PADI4: variants seen among roughly 807,000 people sequenced by gnomAD.
The protein encoded by PADI4 is protein-arginine deiminase type-4.
In PADI4, 62 loss-of-function variants were observed where a neutral mutation model predicts 75.0. The observed-to-expected ratio is 0.83, with a 90% CI of 0.67 to 1.02. The LOEUF is 1.02. Ranked by LOEUF, PADI4 falls within the 50% of genes least tolerant of loss-of-function variation. The pLI is 0.00. For missense variants in PADI4, 845 were observed against 850.5 expected, an observed-to-expected ratio of 0.99 and a Z score of 0.08; for synonymous variants, 361 against 348.1, an observed-to-expected ratio of 1.04 and a Z score of -0.41.
chr1:17,337,342 C>T (rs1227297875), intron 4 of PADI4, among the ~76,000 whole-genome samples: 5 of 151,996 alleles, frequency 3.3e-5, no homozygotes, highest in Middle Eastern at 3.2e-3. Context: ...GACAGCGTTT[C>T]GCCATGTTGG....
At position 17,355,972 on chromosome 1, in the gene PADI4, T is replaced by C. The variant is rs779265669; in HGVS notation, c.1311-11T>C. 6.8e-6 allele frequency: 11 copies of C among 1,614,148 alleles called. No homozygotes were observed. The East Asian group carries it at 2.5e-4, about 36-fold the overall frequency. Reference sequence around the variant, plus strand: ...GCTGCCGATAACACCCCTTTAACCCTGCCATGACAGCAATGACAGCCGGCA... The same window carrying C: ...GCTGCCGATAACACCCCTTTAACCCCGCCATGACAGCAATGACAGCCGGCA... On this transcript the variant is annotated splice_polypyrimidine_tract_variant and intron_variant, in intron 11 of 15. Transcript: ENST00000375448.
At chr1:17,320,527 A>G (rs541780363) in intron 1 of PADI4, among the ~76,000 whole-genome samples, 36 of 152,282 alleles carry the variant, frequency 2.4e-4, no homozygotes, top group African/African-American at 8.7e-4. Flanking sequence ...AGGGTGGGCA[A>G]TTCCCTGAAC....
chr1:17,334,642 A>C (rs1219768171), intron 3 of PADI4: 2 of 456,116 alleles, frequency 4.4e-6, no homozygotes, highest in Admixed American at 2.4e-5. Context: ...TATAACAAAA[A>C]GTAGATAATG....
chr1:17,359,354 G>T lies in PADI4; in HGVS notation c.1704G>T (p.Pro568=), dbSNP rs372994565. ...CCGAGAGTGACATCATTGACATCCC[G>T]CAGCTCTTCAAGCTCAAAGAGTTCT... is the stretch of plus-strand genomic sequence containing the variant. ...GLAESDIIDI[P]QLFKLKEFSK... Residue 568 remains proline, a synonymous_variant, in exon 15 of 16, where the codon CCG becomes CCT. Coordinates refer to ENST00000375448, the MANE Select transcript of PADI4 (RefSeq NM_012387.3). 3.2e-5 allele frequency: 51 copies of T among 1,613,130 alleles called. No individual in the cohort carries two copies. Among genetic ancestry groups the T allele is most frequent in the Non-Finnish European group, 4.3e-5 (51 of 1,179,412 alleles).
chr1:17,353,982 G>A (rs1271931545), intron 10 of PADI4, among the ~76,000 whole-genome samples: 1 of 151,976 alleles, frequency 6.6e-6, no homozygotes, highest in Admixed American at 6.6e-5. Flanking sequence ...GCTCATGCCT[G>A]TAATCCCAGC....
chr1:17,363,916 C>T lies in PADI4; in HGVS notation c.*161C>T. Reference sequence around the variant, plus strand: ...TCCTGTGATGTCCCAGTTTCCCACTCTGAAGATCCCAACATGGTCCTAGCA... The same window carrying T: ...TCCTGTGATGTCCCAGTTTCCCACTTTGAAGATCCCAACATGGTCCTAGCA... On this transcript the variant is annotated 3_prime_UTR_variant, in exon 16 of 16. Transcript: ENST00000375448. 1 of 591,836 alleles carries T rather than the reference C, an allele frequency of 1.7e-6. No individual in the cohort carries two copies. The highest frequency in any genetic ancestry group is 3.1e-6 in the Non-Finnish European group (1 of 326,980). 36.7% of individuals were successfully genotyped at this position (591,836 alleles called of 1,614,324 possible). A position where few individuals can be genotyped will look rare whatever the true frequency, so the allele number is the denominator to read the frequency against.
At chr1:17,312,958 G>A (rs2073864696) in intron 1 of PADI4, among the ~76,000 whole-genome samples, 1 of 151,788 alleles carries the variant, frequency 6.6e-6, no homozygotes, top group South Asian at 2.1e-4. Flanking sequence ...TTAGGAGGCT[G>A]AGGCGGGCAG....
chr1:17,358,899 A>G lies in PADI4; in HGVS notation c.1620A>G (p.Ser540=). ...LSNKTLREHN[S]FVERCIDWNR... is the part of the protein sequence containing the mutation. ...ACAAGACATTGAGAGAACATAATTC[A>G]TTTGTGGAGGTAGGAGCCTGGGTGC... Residue 540 remains serine, a synonymous_variant, in exon 14 of 16, where the codon TCA becomes TCG. Coordinates refer to ENST00000375448, the MANE Select transcript of PADI4 (RefSeq NM_012387.3). The G allele has an allele frequency of 6.2e-7, 1 of 1,606,220 alleles. No homozygotes were observed. The highest frequency in any genetic ancestry group is 1.1e-5 in the South Asian group (1 of 89,988).
intron 1 of PADI4, among the ~76,000 whole-genome samples, chr1:17,313,498 CAAAAAAAA>C (rs71014933): frequency 1.0e-4 from 7 of 68,422 alleles, no homozygotes; most frequent in South Asian, 1.5e-3. Flanking sequence ...AAGACCTTGT[CAAAAAAAA>C]AAAAAAAAAA....
chr1:17,311,948 G>C (rs188656807), intron 1 of PADI4, among the ~76,000 whole-genome samples: 1 of 152,134 alleles, frequency 6.6e-6, no homozygotes, highest in Admixed American at 6.6e-5. Flanking sequence ...CCTGGGTTAC[G>C]GCGAAGATTG....
chr1:17,319,699 T>C (rs530239126), intron 1 of PADI4, among the ~76,000 whole-genome samples: 60 of 152,310 alleles, frequency 3.9e-4, no homozygotes, highest in African/African-American at 1.3e-3. Context: ...AGCTGCCACA[T>C]GGTTGAACAA....
At chr1:17,348,526 G>C (rs2074560533) in intron 10 of PADI4, among the ~76,000 whole-genome samples, 1 of 152,202 alleles carries the variant, frequency 6.6e-6, no homozygotes, top group Non-Finnish European at 1.5e-5. Context: ...TGTCCATGTG[G>C]AGGTGGGAAG....
At chr1:17,323,682 A>C (rs996352388) in intron 1 of PADI4, among the ~76,000 whole-genome samples, 1 of 152,068 alleles carries the variant, frequency 6.6e-6, no homozygotes, top group Non-Finnish European at 1.5e-5. Flanking sequence ...AAAATACAAA[A>C]ATCAGCTGGG....
intron 13 of PADI4, 52 bp from the exon 14 acceptor site, chr1:17,358,786 G>C (rs2100255520): frequency 8.0e-7 from 1 of 1,254,548 alleles, no homozygotes; most frequent in South Asian, 1.3e-5. Flanking sequence ...CTGGGAAGAG[G>C]GAAATCGACC....
At position 17,319,920 on chromosome 1, in the gene PADI4, C is replaced by G. The variant is rs576625142; in HGVS notation, c.93-11049C>G. Among the ~76,000 whole-genome samples the G allele has an allele frequency of 5.9e-5, 9 of 152,310 alleles. No individual in the cohort carries two copies. In the South Asian group the frequency reaches 1.9e-3, roughly 32 times the overall value. ...TTACAGTTTACTATGTACGAAAAAA[C>G]CTTTCAGCCGAACTTAAAATACCTA... On this transcript the variant is annotated intron_variant, in intron 1 of 15. Transcript: ENST00000375448.
At chr1:17,339,580 C>G in intron 5 of PADI4, 108 bp from the exon 6 acceptor site, 1 of 1,139,308 alleles carries the variant, frequency 8.8e-7, no homozygotes, top group Non-Finnish European at 1.3e-6. Context: ...AAAGGGAGGT[C>G]TCAGGGGAGC....
rs1367977425 is a variant in PADI4, at chr1:17,346,082, C to G, written c.990C>G (p.Ala330=). The change falls in exon 9 of 16, where the codon GCC becomes GCG. Residue 330 remains alanine (A), a synonymous_variant. Transcript: ENST00000375448. The surrounding 1 kb of genome is among the most constrained non-coding windows in gnomAD (Gnocchi z 4.3). ...CAGTGACTACTCTGGCCATGAAAGC[C>G]AAGTGCAAGCTGACCATCTGCCCTG... ...LKSVTTLAMK[A]KCKLTICPEE... 2 of 1,614,026 alleles carry G rather than the reference C, an allele frequency of 1.2e-6. No individual in the cohort carries two copies. Among genetic ancestry groups the G allele is most frequent in the Non-Finnish European group, 1.7e-6 (2 of 1,179,882 alleles).
intron 6 of PADI4, 61 bp from the exon 7 acceptor site, chr1:17,341,882 G>A (rs892008806): frequency 1.8e-5 from 24 of 1,324,830 alleles, no homozygotes; most frequent in Non-Finnish European, 2.3e-5. Context: ...GCACTAAGGA[G>A]AGGAGGAAAA....
At chr1:17,352,299 T>C (rs988164336) in intron 10 of PADI4, among the ~76,000 whole-genome samples, 15 of 151,178 alleles carry the variant, frequency 9.9e-5, no homozygotes, top group East Asian at 9.8e-4. Context: ...GAAGAGGCTG[T>C]GGTCAGAGGT....
Sources: gnomAD v4.1 joint callset for allele counts (sites outside exome capture counted in the v4.1 genomes callset) on GRCh38, gnomAD v4.1.1 for gene constraint, Gnocchi (gnomAD v3.1) non-coding constraint, MANE v1.5 for transcripts, NCBI Gene and HGNC (gene_info 2026-07-23, HGNC 2026-07-21) for gene names.